Variants in COPA observed in about 807,000 individuals in gnomAD.
COPA encodes coat protein complex I subunit alpha.
Under a neutral mutation model 158.7 loss-of-function variants are expected in COPA, and 10 were observed. That is an observed-to-expected ratio of 0.06 (90% CI 0.04 to 0.11). The LOEUF (loss-of-function observed/expected upper bound fraction) is 0.11, where lower values mean the gene tolerates loss of function less well. Ranked by LOEUF, COPA falls within the 10% of genes least tolerant of loss-of-function variation. The probability of loss-of-function intolerance (pLI) is 1.00; values close to 1 mark genes in which losing one functional copy is unlikely to be tolerated. For missense variants in COPA, 1,065 were observed against 1,536.7 expected, an observed-to-expected ratio of 0.69 and a Z score of 5.13; for synonymous variants, 462 against 542.8, an observed-to-expected ratio of 0.85 and a Z score of 2.07.
At chr1:160,290,981 C>T (rs11591021) in intron 31 of COPA, among the ~76,000 whole-genome samples, 2 of 152,116 alleles carry the variant, frequency 1.3e-5, no homozygotes, top group Admixed American at 6.5e-5. Flanking sequence ...ACTTCCATCA[C>T]CCAAAAAGAA....
chr1:160,312,732 T>C (rs1161798305), intron 10 of COPA, among the ~76,000 whole-genome samples: 1 of 152,240 alleles, frequency 6.6e-6, no homozygotes, highest in Non-Finnish European at 1.5e-5. Flanking sequence ...CCTTAGCATG[T>C]GATGGTGACA....
At position 160,313,115 on chromosome 1, in the gene COPA, C is replaced by A; in HGVS notation, c.895G>T (p.Ala299Ser). 6.2e-7 allele frequency: 1 copy of A among 1,614,100 alleles called. No individual in the cohort carries two copies. The highest frequency in any genetic ancestry group is 1.1e-5 in the South Asian group (1 of 91,082). ...RDHDRFWVLA[A>S]HPNLNLFAAG... ...GCAAAGAGGTTAAGGTTAGGGTGAG[C>A]AGCTAGGACCCAGAAACGATCATGG... The change falls in exon 10 of 33, where the codon GCT becomes TCT. Residue 299 changes from alanine (A) to serine (S), a missense_variant. Ala to Ser is a moderately conservative substitution (Grantham distance 99, BLOSUM62 1). Transcript: ENST00000241704.
intron 13 of COPA, 137 bp downstream of exon 13, chr1:160,308,964 A>G: frequency 1.5e-6 from 1 of 673,198 alleles, no homozygotes; most frequent in Non-Finnish European, 2.7e-6. Context: ...CTCTGATGCA[A>G]TTGTCAGCAG....
rs956480401 is a variant in COPA, at chr1:160,289,824, CA to C, written c.*332del. On this transcript the variant is annotated 3_prime_UTR_variant, in exon 33 of 33. Coordinates refer to ENST00000241704, the MANE Select transcript of COPA (RefSeq NM_004371.4). Reference sequence around the variant, plus strand: ...CAGGCAGGTCTCGAACTCCTGGCCTCAGATGATCTGCCCACCGTAGCCTCCC... The same window carrying C: ...CAGGCAGGTCTCGAACTCCTGGCCTCGATGATCTGCCCACCGTAGCCTCCC... 6 of 191,640 alleles carry C rather than the reference CA, an allele frequency of 3.1e-5. No homozygotes were observed. The highest frequency in any genetic ancestry group is 1.2e-4 in the Admixed American group (2 of 16,382). 11.9% of individuals were successfully genotyped at this position (191,640 alleles called of 1,614,324 possible). A position where few individuals can be genotyped will look rare whatever the true frequency, so the allele number is the denominator to read the frequency against.
intron 10 of COPA, 65 bp downstream of exon 10, chr1:160,313,020 T>C (rs1274948016): frequency 4.9e-6 from 7 of 1,418,448 alleles, no homozygotes; most frequent in African/African-American, 1.4e-5. Flanking sequence ...ACAAAGCTAA[T>C]AATCACTTTC....
chr1:160,332,762 T>C (rs1647589718), intron 5 of COPA, among the ~76,000 whole-genome samples: 1 of 152,240 alleles, frequency 6.6e-6, no homozygotes, highest in Non-Finnish European at 1.5e-5. Flanking sequence ...TCTAATGCTT[T>C]AGTATTTAAA....
intron 11 of COPA, chr1:160,310,641 G>GTATTCA (rs199685756): frequency 0.011 from 1,671 of 154,506 alleles, 112 homozygotes; most frequent in Admixed American, 0.098. Flanking sequence ...GTCCCTTGGA[G>GTATTCA]TATTCACATA....
intron 6 of COPA, among the ~76,000 whole-genome samples, chr1:160,328,318 G>A (rs183173171): frequency 1.3e-5 from 2 of 152,194 alleles, no homozygotes; most frequent in African/African-American, 2.4e-5. Context: ...AAGGAAAGCC[G>A]TATGACAGAA....
intron 17 of COPA, among the ~76,000 whole-genome samples, chr1:160,300,518 G>C (rs1020002012): frequency 6.6e-5 from 10 of 152,048 alleles, no homozygotes; most frequent in Non-Finnish European, 1.3e-4. Flanking sequence ...CATAGAGAAA[G>C]TCCTATGTCC....
Position 160,290,232 on chromosome 1 carries a change from CAAAG to C in COPA, c.3616-20_3616-17del, listed in dbSNP as rs772437650. The C allele has an allele frequency of 4.3e-6, 7 of 1,613,796 alleles. No homozygotes were observed. The South Asian group carries it at 7.7e-5, about 18-fold the overall frequency. On this transcript the variant is annotated splice_polypyrimidine_tract_variant and intron_variant, in intron 32 of 32. Coordinates refer to ENST00000241704, the MANE Select transcript of COPA (RefSeq NM_004371.4). ...TCTCTGTCACCTGTGGAAAAACAAA[CAAAG>C]GAACAAGTTAGAGATTTGTAAGATT... is the stretch of plus-strand genomic sequence containing the variant.
At chr1:160,291,188 A>G (rs772487446) in intron 31 of COPA, 147 bp downstream of exon 31, 37 of 907,542 alleles carry the variant, frequency 4.1e-5, no homozygotes, top group Non-Finnish European at 6.1e-5. Context: ...ACACCAAGTC[A>G]GGAAGTAAAC....
At position 160,295,772 on chromosome 1, in the gene COPA, A is replaced by T; in HGVS notation, c.2440T>A (p.Ser814Thr). 2 of 1,612,018 alleles carry T rather than the reference A, an allele frequency of 1.2e-6. No individual in the cohort carries two copies. The highest frequency in any genetic ancestry group is 3.3e-4 in the Middle Eastern group (2 of 6,058). The part of the protein sequence containing the change: ...LDTNWPLLTV[S>T]KGFFEGTIAS... ...ATGGTGCCTTCAAAAAATCCTTTGG[A>T]TACAGTCAATAAAGGCCAATTGGTA... Residue 814 changes from serine (S) to threonine (T), a missense_variant, in exon 23 of 33, where the codon TCC (serine) becomes ACC (threonine). This residue lies in a region of COPA where 980 missense variants were observed against 1,357.8 expected (regional missense o/e 0.72). Coordinates refer to ENST00000241704, the MANE Select transcript of COPA (RefSeq NM_004371.4).
At chr1:160,312,978 C>T in intron 10 of COPA, 107 bp downstream of exon 10, 1 of 999,460 alleles carries the variant, frequency 1.0e-6, no homozygotes, top group South Asian at 1.7e-5. Flanking sequence ...AGTCCTTCTT[C>T]TTCTTGTCAT....
chr1:160,341,291 T>C (rs1230616538), intron 1 of COPA, among the ~76,000 whole-genome samples: 1 of 152,220 alleles, frequency 6.6e-6, no homozygotes, highest in African/African-American at 2.4e-5. Flanking sequence ...CACGTTATGA[T>C]GTTGTTCTGC....
intron 8 of COPA, among the ~76,000 whole-genome samples, chr1:160,316,903 C>G: frequency 6.6e-6 from 1 of 152,026 alleles, no homozygotes; most frequent in East Asian, 1.9e-4. Context: ...CAAACAGGTC[C>G]AACCCAAGTA....
At chr1:160,301,634 A>G (rs1017307156) in intron 17 of COPA, among the ~76,000 whole-genome samples, 1 of 152,090 alleles carries the variant, frequency 6.6e-6, no homozygotes, top group Non-Finnish European at 1.5e-5. Context: ...TGAGCTGGGC[A>G]TGGTGGCATA....
chr1:160,335,014 A>C (rs1337209957), intron 4 of COPA, among the ~76,000 whole-genome samples: 1 of 152,214 alleles, frequency 6.6e-6, no homozygotes, highest in Non-Finnish European at 1.5e-5. Flanking sequence ...CAGAGAAACA[A>C]TGACTTCCCA....
chr1:160,301,171 A>T (rs901865936), intron 17 of COPA, among the ~76,000 whole-genome samples: 2 of 152,284 alleles, frequency 1.3e-5, no homozygotes, highest in African/African-American at 2.4e-5. Flanking sequence ...AAAATAAAAA[A>T]AAATCAATTT....
At chr1:160,319,227 C>T (rs1219269383) in intron 8 of COPA, among the ~76,000 whole-genome samples, 1 of 151,790 alleles carries the variant, frequency 6.6e-6, no homozygotes, top group Non-Finnish European at 1.5e-5. Flanking sequence ...AAAGAGCAGG[C>T]GTAGCTATAC....
Sources: allele counts gnomAD v4.1 joint callset (sites outside exome capture counted in the v4.1 genomes callset), GRCh38; gene constraint gnomAD v4.1.1; regional missense constraint gnomAD v4.1.1; transcripts MANE v1.5; gene names NCBI Gene and HGNC (gene_info 2026-07-23, HGNC 2026-07-21).